Variants in KCNH7 observed in about 807,000 individuals in gnomAD.
KCNH7 encodes the protein potassium voltage-gated channel subfamily H member 7.
KCNH7 carries 49 observed loss-of-function variants against 120.8 expected under a neutral mutation model. The ratio of observed to expected loss-of-function variants is 0.41; its 90% confidence interval spans 0.32 to 0.51. The LOEUF is 0.51. Among genes scored for constraint, KCNH7 ranks in the 20% least tolerant of loss-of-function variants. The probability of loss-of-function intolerance (pLI) is 0.38; values close to 1 mark genes in which losing one functional copy is unlikely to be tolerated. For missense variants in KCNH7, 1,097 were observed against 1,446.6 expected (o/e 0.76, Z 3.92); for synonymous variants, 547 against 516.1 (o/e 1.06, Z -0.81).
chr2:162,649,739 C>T (rs1397163100), intron 2 of KCNH7, among the ~76,000 whole-genome samples: 1 of 152,084 alleles, frequency 6.6e-6, no homozygotes, highest in Non-Finnish European at 1.5e-5. Flanking sequence ...AGGTTATTTT[C>T]AACTCAGAAC....
intron 2 of KCNH7, among the ~76,000 whole-genome samples, chr2:162,708,164 T>G (rs1290059219): frequency 6.6e-6 from 1 of 152,040 alleles, no homozygotes; most frequent in African/African-American, 2.4e-5. Flanking sequence ...GGCCATGGAA[T>G]AGTTCTTAGC....
intron 2 of KCNH7, among the ~76,000 whole-genome samples, chr2:162,645,985 A>C (rs1156805820): frequency 6.6e-6 from 1 of 152,216 alleles, no homozygotes; most frequent in African/African-American, 2.4e-5. Context: ...AAAGGCATAA[A>C]TGAGTGGTTT....
chr2:162,652,393 C>A (rs998346616), intron 2 of KCNH7, among the ~76,000 whole-genome samples: 4 of 152,022 alleles, frequency 2.6e-5, no homozygotes, highest in African/African-American at 7.2e-5. Context: ...CCACCAGGGA[C>A]CAGTGTTAGA....
At chr2:162,452,619 G>A (rs1051315971) in intron 6 of KCNH7, among the ~76,000 whole-genome samples, 1 of 151,960 alleles carries the variant, frequency 6.6e-6, no homozygotes, top group Non-Finnish European at 1.5e-5. Flanking sequence ...AACTGCAGAG[G>A]TCCATTGCTC....
In KCNH7 at chr2:162,639,598, A is replaced by G. The variant is rs368932417; in HGVS notation, c.308-102518T>C. Among the ~76,000 whole-genome samples the G allele has an allele frequency of 3.9e-4, 59 of 152,274 alleles. No homozygotes were observed. In the East Asian group the frequency reaches 7.5e-3, roughly 19 times the overall value. On this transcript the variant is annotated intron_variant, in intron 2 of 15. Transcript: ENST00000332142. ...ATTAAAATAGCTGACATAAAAGCTAACCATAATGACAAAATTACAATATCA... is the reference window on the plus strand; with the variant it reads ...ATTAAAATAGCTGACATAAAAGCTAGCCATAATGACAAAATTACAATATCA...
intron 2 of KCNH7, among the ~76,000 whole-genome samples, chr2:162,751,863 A>T (rs1292970907): frequency 6.6e-6 from 1 of 152,040 alleles, no homozygotes; most frequent in Non-Finnish European, 1.5e-5. Context: ...ATGATATAAA[A>T]TATTATCTCA....
intron 14 of KCNH7, among the ~76,000 whole-genome samples, chr2:162,377,016 T>C (rs1032265826): frequency 2.0e-5 from 3 of 152,178 alleles, no homozygotes; most frequent in African/African-American, 7.2e-5. Flanking sequence ...ATATGTGTAT[T>C]TGAATGAGAC....
chr2:162,618,842 A>G (rs1315971892), intron 2 of KCNH7, among the ~76,000 whole-genome samples: 1 of 152,194 alleles, frequency 6.6e-6, no homozygotes. Flanking sequence ...GATTAATTAA[A>G]TGGGGATGCA....
chr2:162,428,531 A>G (rs1051943933), intron 8 of KCNH7, among the ~76,000 whole-genome samples: 9 of 151,878 alleles, frequency 5.9e-5, no homozygotes, highest in African/African-American at 1.2e-4. Flanking sequence ...ATAATTGTCA[A>G]TATGTCAAGT....
At chr2:162,812,265 C>T (rs1175010627) in intron 2 of KCNH7, among the ~76,000 whole-genome samples, 3 of 151,964 alleles carry the variant, frequency 2.0e-5, no homozygotes, top group Non-Finnish European at 2.9e-5. Context: ...AAAAGTGACA[C>T]AGTGAAAAAA....
intron 9 of KCNH7, among the ~76,000 whole-genome samples, chr2:162,402,131 C>A (rs1463141439): frequency 1.3e-5 from 2 of 151,400 alleles, no homozygotes; most frequent in African/African-American, 4.8e-5. Context: ...TGGACTCCTT[C>A]CAGGTTCCCT....
intron 2 of KCNH7, among the ~76,000 whole-genome samples, chr2:162,687,281 T>C (rs1685929761): frequency 6.6e-6 from 1 of 152,088 alleles, no homozygotes; most frequent in South Asian, 2.1e-4. Context: ...TGGCTTACAG[T>C]GGTTCAGACT....
intron 2 of KCNH7, 31 bp downstream of exon 2, chr2:162,836,506 A>G (rs1685668212): frequency 1.3e-6 from 2 of 1,561,596 alleles, no homozygotes; most frequent in African/African-American, 1.4e-5. Flanking sequence ...ATGGGATCAA[A>G]TAGAAGGAAT....
intron 2 of KCNH7, among the ~76,000 whole-genome samples, chr2:162,603,292 G>A (rs1461988451): frequency 6.6e-6 from 1 of 151,940 alleles, no homozygotes; most frequent in Non-Finnish European, 1.5e-5. Context: ...ATAAAATATG[G>A]TGGTTTTTAT....
intron 2 of KCNH7, among the ~76,000 whole-genome samples, chr2:162,623,107 T>C (rs940743731): frequency 3.3e-5 from 5 of 152,164 alleles, no homozygotes; most frequent in Non-Finnish European, 5.9e-5. Context: ...TTTGAGAATT[T>C]TATGGATTAT....
At chr2:162,562,348 T>C (rs901189267) in intron 2 of KCNH7, among the ~76,000 whole-genome samples, 3 of 152,172 alleles carry the variant, frequency 2.0e-5, no homozygotes, top group Admixed American at 2.0e-4. Context: ...GTTAGGTAAT[T>C]GAGACAGGCT....
intron 2 of KCNH7, among the ~76,000 whole-genome samples, chr2:162,769,349 A>T (rs981662132): frequency 6.6e-6 from 1 of 152,188 alleles, no homozygotes; most frequent in African/African-American, 2.4e-5. Flanking sequence ...TTATCCCTGT[A>T]TACCTTTCCA....
At chr2:162,744,736 C>T (rs10930067) in intron 2 of KCNH7, among the ~76,000 whole-genome samples, 6,962 of 152,082 alleles carry the variant, frequency 0.046, 280 homozygotes, top group East Asian at 0.21. Flanking sequence ...CCACGCCTGG[C>T]TAATTTTTTG....
chr2:162,620,902 G>T (rs1683330388), intron 2 of KCNH7, among the ~76,000 whole-genome samples: 1 of 152,074 alleles, frequency 6.6e-6, no homozygotes, highest in Non-Finnish European at 1.5e-5. Context: ...TATCCGAACT[G>T]GGACACATTT....
Sources: gnomAD v4.1 joint callset for allele counts (sites outside exome capture counted in the v4.1 genomes callset) on GRCh38, gnomAD v4.1.1 for gene constraint, MANE v1.5 for transcripts, NCBI Gene and HGNC (gene_info 2026-07-23, HGNC 2026-07-21) for gene names.